The following ADAMTS15 variants were observed in gnomAD, a reference collection of about 807,000 sequenced individuals.
ADAMTS15 encodes A disintegrin and metalloproteinase with thrombospondin motifs 15.
In ADAMTS15, 35 loss-of-function variants were observed where a neutral mutation model predicts 79.1. The ratio of observed to expected loss-of-function variants is 0.44; its 90% CI spans 0.34 to 0.59. The LOEUF is 0.59. Ranked by LOEUF, ADAMTS15 falls within the 20% of genes least tolerant of loss-of-function variation. The probability of loss-of-function intolerance (pLI) is 0.02; values close to 1 mark genes in which losing one functional copy is unlikely to be tolerated. For missense variants in ADAMTS15, 1,324 were observed against 1,318.7 expected (o/e 1.00, Z -0.06); for synonymous variants, 616 against 567.3 (o/e 1.09, Z -1.22).
intron 2 of ADAMTS15, 117 bp downstream of exon 2, chr11:130,461,738 C>T (rs1341231058): frequency 1.4e-6 from 2 of 1,422,396 alleles, no homozygotes; most frequent in Non-Finnish European, 9.5e-7. Context: ...CTTCTTAGGG[C>T]ACAGTGAGCC....
chr11:130,455,390 A>G (rs1253403357), intron 1 of ADAMTS15, among the ~76,000 whole-genome samples: 1 of 152,208 alleles, frequency 6.6e-6, no homozygotes, highest in Admixed American at 6.5e-5. Context: ...TATGGAAGCT[A>G]TGGACATCAG....
intron 4 of ADAMTS15, among the ~76,000 whole-genome samples, chr11:130,466,526 C>G (rs1938302887): frequency 6.6e-6 from 1 of 152,170 alleles, no homozygotes; most frequent in Non-Finnish European, 1.5e-5. Context: ...ATCTCCACGT[C>G]CCTGTGGATA....
At chr11:130,470,188 ATATATATATATATATATATATG>A (rs1565397870) in intron 5 of ADAMTS15, among the ~76,000 whole-genome samples, 27 of 48,908 alleles carry the variant, frequency 5.5e-4, no homozygotes, top group East Asian at 1.3e-3. Context: ...ATATGTGTGT[ATATATATATATATATATATATG>A]TATATATATA....
In ADAMTS15 at chr11:130,449,100, C is replaced by T. The variant is rs1474051295; in HGVS notation, c.127C>T (p.Arg43Trp). The T allele has an allele frequency of 2.5e-6, 4 of 1,581,704 alleles. No individual in the cohort carries two copies. The highest frequency in any genetic ancestry group is 4.5e-5 in the East Asian group (2 of 44,270). Residue 43 changes from arginine (R) to tryptophan (W), a missense_variant, in exon 1 of 8, where the codon CGG becomes TGG. By Grantham distance (101) the Arg-to-Trp change is moderately radical. Transcript: ENST00000299164. The surrounding 1 kb of genome is among the most constrained non-coding windows in gnomAD (Gnocchi z 7.8). ...CATTAACGGCCGCCGCTACTACTGG[C>T]GGGGTCCCGAGGACTCCGGGGATCA... ...PDINGRRYYWRGPEDSGDQGL... is the reference protein window; with the variant it reads ...PDINGRRYYWWGPEDSGDQGL...
chr11:130,460,634 A>G (rs1460300408), intron 1 of ADAMTS15, among the ~76,000 whole-genome samples: 1 of 152,114 alleles, frequency 6.6e-6, no homozygotes, highest in Non-Finnish European at 1.5e-5. Context: ...CCTATTTCCA[A>G]CTTTTGGGCT....
At chr11:130,452,207 C>T (rs1053390893) in intron 1 of ADAMTS15, among the ~76,000 whole-genome samples, 9 of 152,216 alleles carry the variant, frequency 5.9e-5, no homozygotes, top group South Asian at 4.2e-4. Flanking sequence ...ATGCGGTCTC[C>T]GGGAACCTTA....
chr11:130,458,911 G>A (rs1157285342), intron 1 of ADAMTS15, among the ~76,000 whole-genome samples: 1 of 151,674 alleles, frequency 6.6e-6, no homozygotes, highest in East Asian at 1.9e-4. Flanking sequence ...CCTTGCAAGA[G>A]CCTTCATCCC....
intron 1 of ADAMTS15, among the ~76,000 whole-genome samples, chr11:130,453,065 G>T (rs1303040249): frequency 2.0e-5 from 3 of 152,118 alleles, no homozygotes; most frequent in African/African-American, 7.2e-5. Context: ...GCTAATTTCA[G>T]CAGGTTGTGC....
intron 4 of ADAMTS15, among the ~76,000 whole-genome samples, chr11:130,466,358 A>G (rs1938299736): frequency 6.6e-6 from 1 of 152,296 alleles, no homozygotes; most frequent in East Asian, 1.9e-4. Context: ...TGCTTCTCTA[A>G]GGGAATCTGG....
chr11:130,459,546 GA>G (rs1012635144), intron 1 of ADAMTS15, among the ~76,000 whole-genome samples: 2 of 152,202 alleles, frequency 1.3e-5, no homozygotes, highest in African/African-American at 4.8e-5. Flanking sequence ...GTGGGTCTTT[GA>G]AGACGAAAGA....
intron 4 of ADAMTS15, among the ~76,000 whole-genome samples, chr11:130,465,884 T>C (rs1938290241): frequency 6.6e-6 from 1 of 151,706 alleles, no homozygotes; most frequent in African/African-American, 2.4e-5. Flanking sequence ...TTTTTTTTTT[T>C]TTTTAAGACA....
chr11:130,472,917 A>T lies in ADAMTS15; in HGVS notation c.2079-130A>T. ...AAGGGGCAGGGACCTCTCTGACTCC[A>T]AAACCTGTGCTTTTACTCCCATGCC... On this transcript the variant is annotated intron_variant, in intron 7 of 7. Coordinates refer to ENST00000299164, the MANE Select transcript of ADAMTS15 (RefSeq NM_139055.4). The surrounding 1 kb of genome is among the most constrained non-coding windows in gnomAD (Gnocchi z 4.7). The T allele has an allele frequency of 7.2e-7, 1 of 1,386,176 alleles. No individual in the cohort carries two copies. The highest frequency in any genetic ancestry group is 9.8e-7 in the Non-Finnish European group (1 of 1,017,056). 85.9% of individuals were successfully genotyped at this position (1,386,176 alleles called of 1,614,324 possible).
rs1938559562 is a variant in ADAMTS15 at position 130,475,328 on chromosome 11, C to A, written c.*1507C>A. On this transcript the variant is annotated 3_prime_UTR_variant, in exon 8 of 8. Transcript: ENST00000299164. Reference sequence around the variant, plus strand: ...GACATGTCAGGAAAATAGAAACAGGCATTTTCTCTAGCTCCAAGTGGGGAG... The same window carrying A: ...GACATGTCAGGAAAATAGAAACAGGAATTTTCTCTAGCTCCAAGTGGGGAG... 6.6e-6 allele frequency: 1 copy of A among 152,274 alleles called. No individual in the cohort carries two copies. Among genetic ancestry groups the A allele is most frequent in the Admixed American group, 6.5e-5 (1 of 15,282 alleles). The allele number at this position is 152,274 out of a possible 1,614,324, so 9.4% of individuals were successfully genotyped here.
At chr11:130,463,118 G>T (rs1301116223) in intron 4 of ADAMTS15, among the ~76,000 whole-genome samples, 1 of 152,212 alleles carries the variant, frequency 6.6e-6, no homozygotes, top group East Asian at 1.9e-4. Context: ...TGAACACATA[G>T]TGTCAGGAGC....
chr11:130,474,025 G>A lies in ADAMTS15; in HGVS notation c.*204G>A, dbSNP rs2134744448. The stretch of plus-strand genomic sequence containing the variant: ...AGGGAAGCCCAGGAACTCCCGCACA[G>A]TCTACCTCAGGCCCCGCTCCTCGGG... On this transcript the variant is annotated 3_prime_UTR_variant, in exon 8 of 8. Transcript: ENST00000299164. 1 of 688,710 alleles carries A rather than the reference G, an allele frequency of 1.5e-6. No individual in the cohort carries two copies. Among genetic ancestry groups the A allele is most frequent in the African/African-American group, 1.8e-5 (1 of 55,532 alleles). 42.7% of individuals were successfully genotyped at this position (688,710 alleles called of 1,614,324 possible).
chr11:130,449,500 T>C lies in ADAMTS15; in HGVS notation c.527T>C (p.Val176Ala). The C allele has an allele frequency of 6.4e-7, 1 of 1,555,176 alleles. No homozygotes were observed. Among genetic ancestry groups the C allele is most frequent in the Non-Finnish European group, 8.7e-7 (1 of 1,152,936 alleles). The change falls in exon 1 of 8, where the codon GTG (valine) becomes GCG (alanine). Residue 176 changes from valine (V) to alanine (A), a missense_variant. Val to Ala is a moderately conservative substitution (Grantham distance 64). Coordinates refer to ENST00000299164, the MANE Select transcript of ADAMTS15 (RefSeq NM_139055.4). This position sits in a 1 kb window ranked among gnomAD's most constrained non-coding sequence, Gnocchi z 7.8. The part of the protein sequence containing the change: ...PSGDPTSRCG[V>A]ASGWNPAILR... ...GGAGACCCCACCTCTCGCTGCGGGG[T>C]GGCCTCGGGCTGGAACCCCGCCATC...
chr11:130,463,245 G>A (rs757548376), intron 4 of ADAMTS15, among the ~76,000 whole-genome samples: 6 of 152,254 alleles, frequency 3.9e-5, no homozygotes, highest in East Asian at 1.9e-4. Context: ...ATGAAGCAAA[G>A]CCCTGGGCAA....
chr11:130,462,289 C>G lies in ADAMTS15; in HGVS notation c.1258+35C>G. 1.3e-6 allele frequency: 2 copies of G among 1,583,250 alleles called. No individual in the cohort carries two copies. The highest frequency in any genetic ancestry group is 1.7e-6 in the Non-Finnish European group (2 of 1,162,882). On this transcript the variant is annotated intron_variant, in intron 3 of 7. Transcript: ENST00000299164. This position sits in a 1 kb window ranked among gnomAD's most constrained non-coding sequence, Gnocchi z 4.3. ...GACGGCGGGAGGGCAATGAGGCCGC[C>G]TCGGAGGGGGCTTTGCTGCTGCCCC...
intron 5 of ADAMTS15, among the ~76,000 whole-genome samples, chr11:130,470,118 TCATATATATATATA>T (rs1364197013): frequency 0.014 from 1,191 of 85,074 alleles, 66 homozygotes; most frequent in African/African-American, 0.017. Context: ...CATTACTGAA[TCATATATATATATA>T]CATATATATA....
Sources: allele counts gnomAD v4.1 joint callset (sites outside exome capture counted in the v4.1 genomes callset), GRCh38; gene constraint gnomAD v4.1.1; non-coding constraint Gnocchi (gnomAD v3.1); transcripts MANE v1.5; gene names NCBI Gene and HGNC (gene_info 2026-07-23, HGNC 2026-07-21).